Variants in ZNF100 observed in about 807,000 individuals in gnomAD.
The protein encoded by ZNF100 is zinc finger protein 100.
In ZNF100, 12 loss-of-function variants were observed where a neutral mutation model predicts 15.8. The observed-to-expected ratio is 0.76, with a 90% CI of 0.49 to 1.23. The LOEUF is 1.23. ZNF100 is among the 50% of genes most tolerant of loss of function. ZNF100 has a pLI of 0.00. For synonymous variants in ZNF100, 226 were observed against 214.8 expected (o/e 1.05, Z -0.45); for missense variants, 670 against 635.6 (o/e 1.05, Z -0.58).
intron 2 of ZNF100, chr19:21,750,903 G>A (rs371237967): frequency 3.3e-5 from 19 of 584,126 alleles, no homozygotes; most frequent in African/African-American, 9.4e-5. Flanking sequence ...AAGCTGGGCC[G>A]GTGCGTGGTG....
intron 2 of ZNF100, among the ~76,000 whole-genome samples, chr19:21,762,192 A>T (rs1365528945): frequency 2.6e-5 from 4 of 152,204 alleles, no homozygotes; most frequent in Non-Finnish European, 5.9e-5. Context: ...AAAGAAAAAA[A>T]AATAGCACTC....
intron 4 of ZNF100, among the ~76,000 whole-genome samples, chr19:21,739,898 T>C (rs1568298156): frequency 6.6e-6 from 1 of 152,328 alleles, no homozygotes; most frequent in African/African-American, 2.4e-5. Context: ...AAAATTTTAA[T>C]TTTGTTAAGA....
chr19:21,767,503 G>T lies in ZNF100; in HGVS notation c.-74C>A. 10 of 1,604,100 alleles carry T rather than the reference G, an allele frequency of 6.2e-6. No individual in the cohort carries two copies. The South Asian group carries it at 8.8e-5, about 14-fold the overall frequency. ...ATCTGCAGGTCAGAGGGCCACACAGGCTAGGCCCCTAGGAGCAGAAGACAC... is the reference window on the plus strand; with the variant it reads ...ATCTGCAGGTCAGAGGGCCACACAGTCTAGGCCCCTAGGAGCAGAAGACAC... On this transcript the variant is annotated 5_prime_UTR_variant, in exon 1 of 5. Transcript: ENST00000358296.
chr19:21,765,934 G>T, intron 1 of ZNF100, 148 bp from the exon 2 acceptor site: 1 of 697,886 alleles, frequency 1.4e-6, no homozygotes, highest in Non-Finnish European at 2.4e-6. Flanking sequence ...TCACCCCATA[G>T]ATTTTTCCAA....
intron 4 of ZNF100, among the ~76,000 whole-genome samples, chr19:21,743,566 A>G (rs1244617168): frequency 2.0e-5 from 3 of 152,166 alleles, no homozygotes; most frequent in Non-Finnish European, 4.4e-5. Flanking sequence ...GGAATGTGCA[A>G]AAAGATTAAC....
chr19:21,767,307 G>T (rs574559943), intron 1 of ZNF100, 120 bp downstream of exon 1: 2 of 1,557,692 alleles, frequency 1.3e-6, no homozygotes. Flanking sequence ...AGGCCGAGCT[G>T]GGCAAGGCGC....
At chr19:21,728,342 C>A (rs901500127) in intron 4 of ZNF100, among the ~76,000 whole-genome samples, 1 of 152,046 alleles carries the variant, frequency 6.6e-6, no homozygotes, top group African/African-American at 2.4e-5. Context: ...AATACTGGCA[C>A]ATTTATCTTT....
intron 2 of ZNF100, among the ~76,000 whole-genome samples, chr19:21,749,300 A>C (rs1232488201): frequency 6.6e-6 from 1 of 152,046 alleles, no homozygotes; most frequent in African/African-American, 2.4e-5. Flanking sequence ...GGAGAAAAAA[A>C]AAAAACAGAA....
At chr19:21,760,002 G>A (rs926952835) in intron 2 of ZNF100, among the ~76,000 whole-genome samples, 1 of 152,056 alleles carries the variant, frequency 6.6e-6, no homozygotes, top group African/African-American at 2.4e-5. Flanking sequence ...GACCAACATG[G>A]AGAAACCCCA....
chr19:21,745,628 T>A (rs2145720208), intron 2 of ZNF100, among the ~76,000 whole-genome samples: 1 of 152,100 alleles, frequency 6.6e-6, no homozygotes, highest in Admixed American at 6.5e-5. Context: ...GTTCACGCCA[T>A]TCTCCTGCCT....
intron 2 of ZNF100, chr19:21,751,405 C>T: frequency 1.2e-6 from 1 of 830,964 alleles, no homozygotes. Context: ...ATCCTGAGCA[C>T]AAATTTATTT....
chr19:21,750,822 C>T (rs902857769), intron 2 of ZNF100: 4 of 435,470 alleles, frequency 9.2e-6, no homozygotes, highest in Non-Finnish European at 1.2e-5. Context: ...GCGCCAGCCC[C>T]GGCCCAGAGG....
intron 2 of ZNF100, chr19:21,751,484 T>TCTAAGTCTAAAAG: frequency 1.0e-6 from 1 of 968,568 alleles, no homozygotes; most frequent in Non-Finnish European, 1.7e-6. Flanking sequence ...AACTCTGGTT[T>TCTAAGTCTAAAAG]ACTTAGAAAG....
intron 2 of ZNF100, among the ~76,000 whole-genome samples, chr19:21,749,879 T>C (rs2036273409): frequency 6.6e-6 from 1 of 152,342 alleles, no homozygotes; most frequent in East Asian, 1.9e-4. Context: ...CAAAGTCTTC[T>C]GGCCCTGTCT....
At chr19:21,732,651 T>C (rs1432284048) in intron 4 of ZNF100, among the ~76,000 whole-genome samples, 1 of 149,482 alleles carries the variant, frequency 6.7e-6, no homozygotes, top group Non-Finnish European at 1.5e-5. Flanking sequence ...ATATGTAAAA[T>C]ATATAACACA....
intron 4 of ZNF100, among the ~76,000 whole-genome samples, chr19:21,735,593 C>T (rs1489332992): frequency 1.3e-5 from 2 of 151,002 alleles, no homozygotes; most frequent in Non-Finnish European, 2.9e-5. Context: ...ATCTCACATG[C>T]AACGACACAC....
intron 2 of ZNF100, chr19:21,751,664 C>G: frequency 1.5e-6 from 2 of 1,342,456 alleles, no homozygotes; most frequent in Non-Finnish European, 2.1e-6. Context: ...AATGGAAAGG[C>G]ATTTTTCGGA....
Position 21,729,903 on chromosome 19 carries a change from T to C in ZNF100, c.323-1914A>G, listed in dbSNP as rs558971972. The stretch of plus-strand genomic sequence containing the variant: ...GCAACTGAAGTTCTTTTTTACCAGA[T>C]TGAAATATACTGTTATATCTTTTAG... On this transcript the variant is annotated intron_variant, in intron 4 of 4. Coordinates refer to ENST00000358296, the MANE Select transcript of ZNF100 (RefSeq NM_173531.4). Among the ~76,000 whole-genome samples the C allele has an allele frequency of 1.5e-4, 23 of 152,114 alleles. No homozygotes were observed. The East Asian group carries it at 3.5e-3, about 23-fold the overall frequency.
At chr19:21,767,333 C>G in intron 1 of ZNF100, 94 bp downstream of exon 1, 1 of 1,602,244 alleles carries the variant, frequency 6.2e-7, no homozygotes, top group Non-Finnish European at 8.5e-7. Context: ...GTGAAGCTGA[C>G]TGCGGAGAGG....
Sources: gnomAD v4.1 joint callset for allele counts (sites outside exome capture counted in the v4.1 genomes callset) on GRCh38, gnomAD v4.1.1 for gene constraint, MANE v1.5 for transcripts, NCBI Gene and HGNC (gene_info 2026-07-23, HGNC 2026-07-21) for gene names.